RGR: variants seen among roughly 807,000 people sequenced by gnomAD.
The protein encoded by RGR is RPE-retinal G protein-coupled receptor.
A neutral mutation model predicts 28.6 loss-of-function variants in RGR; 30 were observed. The observed-to-expected ratio is 1.05, with a 90% CI of 0.78 to 1.42. RGR has a LOEUF of 1.42. Among genes scored for constraint, RGR ranks in the 40% most tolerant of loss-of-function variants. RGR has a pLI of 0.00. For missense variants in RGR, 404 were observed against 375.6 expected, an observed-to-expected ratio of 1.08 and a Z score of -0.62; for synonymous variants, 180 against 156.4, an observed-to-expected ratio of 1.15 and a Z score of -1.13.
In RGR at chr10:84,252,861, C is replaced by A; in HGVS notation, c.363C>A (p.Ser121Arg). Residue 121 changes from serine (S) to arginine (R), a missense_variant, in exon 4 of 7, where the codon AGC (serine) becomes AGA (arginine). Transcript: ENST00000652092. ...TTCTTCCTCTGTCCTGTGCAGGTAG[C>A]CAGCTGGCCTGGAACTCAGCCGTCT... is the stretch of plus-strand genomic sequence containing the variant. Reference protein sequence around the residue: ...WGRYHHYCTRSQLAWNSAVSL... With the variant: ...WGRYHHYCTRRQLAWNSAVSL... 6.2e-7 allele frequency: 1 copy of A among 1,614,118 alleles called. No individual in the cohort carries two copies. Among genetic ancestry groups the A allele is most frequent in the African/African-American group, 1.3e-5 (1 of 75,050 alleles).
chr10:84,249,292 C>T (rs1842786548), intron 3 of RGR, among the ~76,000 whole-genome samples: 1 of 152,152 alleles, frequency 6.6e-6, no homozygotes, highest in Non-Finnish European at 1.5e-5. Context: ...CTCTCTGAAC[C>T]TTAGTCTCCT....
In RGR at chr10:84,255,488, TA is replaced by T. The variant is rs1842871661; in HGVS notation, c.630+1050del. On this transcript the variant is annotated intron_variant, in intron 5 of 6. Coordinates refer to ENST00000652092, the MANE Select transcript of RGR (RefSeq NM_001012720.2). The stretch of plus-strand genomic sequence containing the variant: ...CAGTCACAGGGTGGTGCCCAAAAGA[TA>T]AAAATCAACCTATAAGCACATTTGT... 2.0e-5 allele frequency: 3 copies of T among 152,318 alleles called. No individual in the cohort carries two copies. In the South Asian group the frequency reaches 6.2e-4, roughly 32 times the overall value. 9.4% of individuals were successfully genotyped at this position (152,318 alleles called of 1,614,324 possible). A position where few individuals can be genotyped will look rare whatever the true frequency, so the allele number is the denominator to read the frequency against.
At position 84,253,011 on chromosome 10, in the gene RGR, G is replaced by T. The variant is rs1564550302; in HGVS notation, c.512+1G>T. ...CCCTGGACTACTCCAAGGGGGACAG[G>T]TGAGGTGGGAGGAGCAGCTTCGAGG... is the stretch of plus-strand genomic sequence containing the variant. On this transcript the variant is annotated splice_donor_variant, in intron 4 of 6. Transcript: ENST00000652092. LOFTEE classifies it high-confidence loss of function. 1 of 1,613,220 alleles carries T rather than the reference G, an allele frequency of 6.2e-7. No homozygotes were observed. Among genetic ancestry groups the T allele is most frequent in the African/African-American group, 1.3e-5 (1 of 75,042 alleles).
intron 5 of RGR, among the ~76,000 whole-genome samples, chr10:84,255,643 CA>C (rs35984466): frequency 0.065 from 9,893 of 151,658 alleles, 418 homozygotes; most frequent in Admixed American, 0.088. Flanking sequence ...TCGTAACAAG[CA>C]ACAAAGATTA....
chr10:84,246,295 T>C (rs1296717949), intron 1 of RGR, among the ~76,000 whole-genome samples: 1 of 152,246 alleles, frequency 6.6e-6, no homozygotes, highest in Non-Finnish European at 1.5e-5. Context: ...AATTACATCG[T>C]GGCAAATGCT....
At chr10:84,247,518 C>A in intron 1 of RGR, 73 bp from the exon 2 acceptor site, 1 of 1,558,494 alleles carries the variant, frequency 6.4e-7, no homozygotes, top group Non-Finnish European at 8.8e-7. Context: ...ATGTTCCATC[C>A]ACCCCACACA....
At chr10:84,249,170 G>C in intron 3 of RGR, 127 bp downstream of exon 3, 2 of 1,346,886 alleles carry the variant, frequency 1.5e-6, no homozygotes, top group Non-Finnish European at 1.0e-6. Flanking sequence ...GGGTAGGTGT[G>C]AGTGTGCATG....
At position 84,247,642 on chromosome 10, in the gene RGR, C is replaced by T. The variant is rs767932210; in HGVS notation, c.131C>T (p.Thr44Ile). Residue 44 changes from threonine (T) to isoleucine (I), a missense_variant, in exon 2 of 7, where the codon ACC (threonine) becomes ATC (isoleucine). Transcript: ENST00000652092. ...NTLTIFSFCK[T>I]PELRTPCHLL... Reference sequence around the variant, plus strand: ...CTGACCATCTTCTCTTTCTGCAAGACCCCGGAGCTGCGGACTCCCTGCCAC... The same window carrying T: ...CTGACCATCTTCTCTTTCTGCAAGATCCCGGAGCTGCGGACTCCCTGCCAC... 1.2e-5 allele frequency: 19 copies of T among 1,614,182 alleles called. No homozygotes were observed. In the South Asian group the frequency reaches 1.9e-4, roughly 16 times the overall value.
Position 84,254,445 on chromosome 10 carries a change from T to C in RGR, c.630+2T>C. 1 of 1,611,354 alleles carries C rather than the reference T, an allele frequency of 6.2e-7. No homozygotes were observed. Among genetic ancestry groups the C allele is most frequent in the Non-Finnish European group, 8.5e-7 (1 of 1,177,514 alleles). ...CTGGGGAAGAGTGGCCATCTCCAGG[T>C]AAGGACCCCCTTCCGGAGTGTTATC... On this transcript the variant is annotated splice_donor_variant, in intron 5 of 6. Coordinates refer to ENST00000652092, the MANE Select transcript of RGR (RefSeq NM_001012720.2). LOFTEE classifies it high-confidence loss of function.
At position 84,258,501 on chromosome 10, in the gene RGR, A is replaced by G. The variant is rs374218707; in HGVS notation, c.745-7A>G. 1.2e-6 allele frequency: 2 copies of G among 1,614,080 alleles called. No homozygotes were observed. The highest frequency in any genetic ancestry group is 2.2e-5 in the East Asian group (1 of 44,898). ...AGCTTCTTTTCTGGACTTTTCTGCCACAACAGGTGCCCGCCCTCATTGCCA... is the reference window on the plus strand; with the variant it reads ...AGCTTCTTTTCTGGACTTTTCTGCCGCAACAGGTGCCCGCCCTCATTGCCA... On this transcript the variant is annotated splice_polypyrimidine_tract_variant and splice_region_variant and intron_variant, in intron 6 of 6. Transcript: ENST00000652092.
At chr10:84,254,898 C>T (rs1842864259) in intron 5 of RGR, among the ~76,000 whole-genome samples, 1 of 152,270 alleles carries the variant, frequency 6.6e-6, no homozygotes, top group East Asian at 1.9e-4. Context: ...AATGCACATG[C>T]GCATCTCTGA....
chr10:84,250,430 T>C lies in RGR; in HGVS notation c.358+1387T>C, dbSNP rs771637382. ...CTCATCATTTTGAGTGGCGATAGGT[T>C]AGCCCTCTTGTCCACTTGGCCTCAG... On this transcript the variant is annotated intron_variant, in intron 3 of 6. Coordinates refer to ENST00000652092, the MANE Select transcript of RGR (RefSeq NM_001012720.2). 72 of 717,138 alleles carry C rather than the reference T, an allele frequency of 1.0e-4. 2 individuals carry two copies. The South Asian group carries it at 1.1e-3, about 11-fold the overall frequency. The allele number at this position is 717,138 out of a possible 1,614,324, so 44.4% of individuals were successfully genotyped here.
In RGR at chr10:84,245,145, G is replaced by C. The variant is rs913084938; in HGVS notation, c.55G>C (p.Val19Leu). 3.1e-6 allele frequency: 5 copies of C among 1,613,308 alleles called. No individual in the cohort carries two copies. Among genetic ancestry groups the C allele is most frequent in the Non-Finnish European group, 4.2e-6 (5 of 1,179,854 alleles). The part of the protein sequence containing the change: ...TGFGELEVLA[V>L]GMVLLVEALS... The stretch of plus-strand genomic sequence containing the variant: ...CTTCGGGGAGCTCGAGGTGCTGGCT[G>C]TGGGGATGGTGCTACTGGTGGAAGG... Residue 19 changes from valine (V) to leucine (L), a missense_variant, in exon 1 of 7, where the codon GTG becomes CTG. Physicochemically the swap from Val to Leu is conservative, Grantham distance 32. Transcript: ENST00000652092.
intron 6 of RGR, 142 bp downstream of exon 6, chr10:84,258,148 G>C: frequency 1.2e-6 from 1 of 853,358 alleles, no homozygotes; most frequent in Non-Finnish European, 1.9e-6. Flanking sequence ...ACAAGGCATA[G>C]AGCATTAGTT....
chr10:84,248,559 C>G (rs533681744), intron 2 of RGR: 3 of 368,346 alleles, frequency 8.1e-6, no homozygotes, highest in African/African-American at 6.2e-5. Context: ...TCCCCTCTGA[C>G]TTTGCCTTCA....
rs1261646957 is a variant in RGR at position 84,259,487 on chromosome 10, A to T, written c.*848A>T. ...CCATACTGTTTTCCATAGGGGTTGT[A>T]CTAATTTACAGTCCCACCAACAGTG... On this transcript the variant is annotated 3_prime_UTR_variant, in exon 7 of 7. Transcript: ENST00000652092. 6.6e-6 allele frequency: 1 copy of T among 152,100 alleles called. No homozygotes were observed. Among genetic ancestry groups the T allele is most frequent in the Non-Finnish European group, 1.5e-5 (1 of 68,012 alleles). The allele number at this position is 152,100 out of a possible 1,614,324, so 9.4% of individuals were successfully genotyped here. A position where few individuals can be genotyped will look rare whatever the true frequency, so the allele number is the denominator to read the frequency against.
rs1476094417 is a variant in RGR, at chr10:84,247,715, T to C, written c.204T>C (p.Asn68=). The stretch of plus-strand genomic sequence containing the variant: ...TTGCGGACAGTGGGATCAGCCTGAA[T>C]GCCCTCGTTGCAGCCACATCCAGCC... ...LALADSGISL[N]ALVAATSSLL... Residue 68 remains asparagine (N), a synonymous_variant, in exon 2 of 7, where the codon AAT becomes AAC. Coordinates refer to ENST00000652092, the MANE Select transcript of RGR (RefSeq NM_001012720.2). 6.2e-7 allele frequency: 1 copy of C among 1,614,194 alleles called. No individual in the cohort carries two copies. The highest frequency in any genetic ancestry group is 1.1e-5 in the South Asian group (1 of 91,088).
intron 3 of RGR, among the ~76,000 whole-genome samples, chr10:84,251,144 A>G (rs896314181): frequency 1.3e-5 from 2 of 151,952 alleles, no homozygotes; most frequent in African/African-American, 2.4e-5. Flanking sequence ...CTGAGGAAGG[A>G]GAATCGCTTG....
chr10:84,258,472 T>C (rs774156973), intron 6 of RGR, 36 bp from the exon 7 acceptor site: 8 of 1,613,888 alleles, frequency 5.0e-6, no homozygotes, highest in South Asian at 1.1e-5. Flanking sequence ...ATCAGTGGCT[T>C]TGAAGCTTCT....
Sources: gnomAD v4.1 joint callset for allele counts (sites outside exome capture counted in the v4.1 genomes callset) on GRCh38, gnomAD v4.1.1 for gene constraint, MANE v1.5 for transcripts, NCBI Gene and HGNC (gene_info 2026-07-23, HGNC 2026-07-21) for gene names.